The following DSG1 variants were observed in gnomAD, a reference collection of about 807,000 sequenced individuals.
DSG1 encodes desmoglein 1.
A neutral mutation model predicts 97.5 loss-of-function variants in DSG1; 39 were observed. The observed-to-expected ratio is 0.40, with a 90% CI of 0.31 to 0.52. The LOEUF (loss-of-function observed/expected upper bound fraction) is 0.52, where lower values mean the gene tolerates loss of function less well. DSG1 is among the 20% of genes least tolerant of loss of function. The pLI is 0.53. For missense variants in DSG1, 1,311 were observed against 1,295.4 expected (o/e 1.01, Z -0.18); for synonymous variants, 475 against 443.4 (o/e 1.07, Z -0.90).
In DSG1 at chr18:31,338,472, AT is replaced by A. The variant is rs1282479017; in HGVS notation, c.1405+23del. 3 of 1,610,244 alleles carry A rather than the reference AT, an allele frequency of 1.9e-6. No individual in the cohort carries two copies. The highest frequency in any genetic ancestry group is 2.7e-5 in the African/African-American group (2 of 74,850). On this transcript the variant is annotated intron_variant, in intron 10 of 14. Transcript: ENST00000257192. Reference sequence around the variant, plus strand: ...TATAGATGGTAAGAAATTAATTTACATTTTTATCTTTTCTAGAGAAAGCTGT... The same window carrying A: ...TATAGATGGTAAGAAATTAATTTACATTTTATCTTTTCTAGAGAAAGCTGT...
Position 31,355,576 on chromosome 18 carries a change from G to A in DSG1, c.*230G>A. ...TAGGACTAAGGAACTAAAACTTGAG[G>A]CAGAGTCTTCTTTGTGCCTGAGTGG... is the stretch of plus-strand genomic sequence containing the variant. On this transcript the variant is annotated 3_prime_UTR_variant, in exon 15 of 15. Transcript: ENST00000257192. The A allele has an allele frequency of 1.8e-6, 1 of 557,254 alleles. No individual in the cohort carries two copies. The allele number at this position is 557,254 out of a possible 1,614,324, so 34.5% of individuals were successfully genotyped here. A position where few individuals can be genotyped will look rare whatever the true frequency, so the allele number is the denominator to read the frequency against.
chr18:31,343,342 C>T, intron 11 of DSG1, 108 bp from the exon 12 acceptor site: 1 of 1,501,210 alleles, frequency 6.7e-7, no homozygotes, highest in East Asian at 2.3e-5. Flanking sequence ...ATTTTAGAAC[C>T]AACCAGAATT....
chr18:31,329,856 G>A (rs1322626024), intron 4 of DSG1, 36 bp from the exon 5 acceptor site: 1 of 1,608,668 alleles, frequency 6.2e-7, no homozygotes. Context: ...ATAAATCTGT[G>A]TTTCACTGTA....
intron 10 of DSG1, among the ~76,000 whole-genome samples, chr18:31,338,775 GATA>G (rs1203549626): frequency 6.6e-6 from 1 of 152,106 alleles, no homozygotes; most frequent in Non-Finnish European, 1.5e-5. Context: ...AGGATGTGAT[GATA>G]ATGATAAAAA....
chr18:31,326,692 G>A, intron 2 of DSG1, 76 bp downstream of exon 2: 1 of 1,407,050 alleles, frequency 7.1e-7, no homozygotes, highest in Non-Finnish European at 1.0e-6. Flanking sequence ...GTTTTCTGAA[G>A]AAAATGTATT....
At chr18:31,348,502 T>G (rs1230409175) in intron 14 of DSG1, among the ~76,000 whole-genome samples, 1 of 150,656 alleles carries the variant, frequency 6.6e-6, no homozygotes, top group Admixed American at 6.6e-5. Flanking sequence ...GATGGCTGGG[T>G]CAAATGGTAT....
At position 31,359,104 on chromosome 18, in the gene DSG1, C is replaced by T. The variant is rs901484586; in HGVS notation, c.*3758C>T. 3.3e-5 allele frequency among the ~76,000 whole-genome samples: 5 copies of T among 152,048 alleles called. No homozygotes were observed. The highest frequency in any genetic ancestry group is 7.4e-5 in the Non-Finnish European group (5 of 67,984). On this transcript the variant is annotated 3_prime_UTR_variant, in exon 15 of 15. Transcript: ENST00000257192. ...TATTCATCTCTGGTGGTGTTTAACA[C>T]AAGGTTCTCTTATTCAAGTTTCAAT...
At chr18:31,341,958 T>A (rs1442958258) in intron 11 of DSG1, among the ~76,000 whole-genome samples, 1 of 151,366 alleles carries the variant, frequency 6.6e-6, no homozygotes, top group African/African-American at 2.4e-5. Flanking sequence ...TTTTTTGAGA[T>A]GGAGTCTCAC....
rs1300417026 is a variant in DSG1, at chr18:31,352,945, C to G, written c.2101-1352C>G. On this transcript the variant is annotated intron_variant, in intron 14 of 14. Coordinates refer to ENST00000257192, the MANE Select transcript of DSG1 (RefSeq NM_001942.4). Reference sequence around the variant, plus strand: ...CTCCCATAGCTCAGAGTAATTTGATCGTCTGAAGCCTTCTTCTCTCAGCTT... The same window carrying G: ...CTCCCATAGCTCAGAGTAATTTGATGGTCTGAAGCCTTCTTCTCTCAGCTT... 2.1e-5 allele frequency among the ~76,000 whole-genome samples: 3 copies of G among 141,148 alleles called. No homozygotes were observed. The Admixed American group carries it at 2.2e-4, about 10-fold the overall frequency. 92.6% of individuals were successfully genotyped at this position (141,148 alleles called of 152,430 possible). A position where few individuals can be genotyped will look rare whatever the true frequency, so the allele number is the denominator to read the frequency against.
At chr18:31,319,947 G>T (rs1279378438) in intron 1 of DSG1, among the ~76,000 whole-genome samples, 1 of 151,800 alleles carries the variant, frequency 6.6e-6, no homozygotes, top group East Asian at 1.9e-4. Flanking sequence ...GGAAGAGGAG[G>T]TTACCTTATT....
chr18:31,328,432 A>G, intron 4 of DSG1, 88 bp downstream of exon 4: 2 of 1,395,458 alleles, frequency 1.4e-6, no homozygotes, highest in African/African-American at 1.4e-5. Flanking sequence ...TTTGATTTCA[A>G]GAGTCTCAAT....
chr18:31,345,600 T>C (rs1452226027), intron 13 of DSG1: 1 of 183,526 alleles, frequency 5.4e-6, no homozygotes, highest in Admixed American at 5.7e-5. Flanking sequence ...CATGTCTTTT[T>C]CTGGATGTCC....
At chr18:31,325,726 G>T (rs1225590660) in intron 1 of DSG1, among the ~76,000 whole-genome samples, 2 of 151,776 alleles carry the variant, frequency 1.3e-5, no homozygotes, top group Non-Finnish European at 2.9e-5. Context: ...TAAATTCTTT[G>T]TAGCATGCTT....
At chr18:31,324,521 T>C (rs766460391) in intron 1 of DSG1, among the ~76,000 whole-genome samples, 17 of 152,204 alleles carry the variant, frequency 1.1e-4, no homozygotes, top group Admixed American at 3.3e-4. Context: ...GCTGATCATC[T>C]TCACCCAGGC....
At chr18:31,349,246 T>C (rs1392498898) in intron 14 of DSG1, among the ~76,000 whole-genome samples, 32 of 139,330 alleles carry the variant, frequency 2.3e-4, no homozygotes, top group Admixed American at 4.3e-4. Flanking sequence ...TGCTTGTTTT[T>C]CTCAGGTTTG....
At position 31,333,572 on chromosome 18, in the gene DSG1, G is replaced by C. The variant is rs753832211; in HGVS notation, c.685-17G>C. 15 of 1,613,614 alleles carry C rather than the reference G, an allele frequency of 9.3e-6. 1 individual carries two copies. In the South Asian group the frequency reaches 1.4e-4, roughly 15 times the overall value. On this transcript the variant is annotated splice_polypyrimidine_tract_variant and intron_variant, in intron 6 of 14. Coordinates refer to ENST00000257192, the MANE Select transcript of DSG1 (RefSeq NM_001942.4). ...GTCTACGTCAAGTGTGATATTGCCT[G>C]TAATATGTATTTTTAGCAATACGGC...
rs1395028948 is a variant in DSG1 at position 31,356,770 on chromosome 18, T to G, written c.*1424T>G. 1 of 152,154 alleles carries G rather than the reference T, an allele frequency of 6.6e-6. No homozygotes were observed. Among genetic ancestry groups the G allele is most frequent in the East Asian group, 1.9e-4 (1 of 5,202 alleles). 9.4% of individuals were successfully genotyped at this position (152,154 alleles called of 1,614,324 possible). On this transcript the variant is annotated 3_prime_UTR_variant, in exon 15 of 15. Coordinates refer to ENST00000257192, the MANE Select transcript of DSG1 (RefSeq NM_001942.4). The stretch of plus-strand genomic sequence containing the variant: ...TATATATGCTGATTTATAGGTAGTG[T>G]CCAAATTATATAGTATAACATATTT...
chr18:31,350,962 A>G (rs2071890935), intron 14 of DSG1, among the ~76,000 whole-genome samples: 1 of 149,708 alleles, frequency 6.7e-6, no homozygotes, highest in Non-Finnish European at 1.5e-5. Flanking sequence ...TTGTGTCTCT[A>G]TTTCCTTCAG....
chr18:31,330,756 A>G (rs2219582), intron 5 of DSG1, among the ~76,000 whole-genome samples: 62,951 of 151,956 alleles, frequency 0.41, 14,269 homozygotes, highest in Non-Finnish European at 0.5. Context: ...CTAATCCACA[A>G]CATGAATTTT....
Sources: gnomAD v4.1 joint callset for allele counts (sites outside exome capture counted in the v4.1 genomes callset) on GRCh38, gnomAD v4.1.1 for gene constraint, MANE v1.5 for transcripts, NCBI Gene and HGNC (gene_info 2026-07-23, HGNC 2026-07-21) for gene names.